The following MYO10 variants were observed in gnomAD, a reference collection of about 807,000 sequenced individuals.
The protein encoded by MYO10 is myosin X, also known as unconventional myosin-X.
A neutral mutation model predicts 257.3 loss-of-function variants in MYO10; 133 were observed. The observed-to-expected ratio is 0.52, with a 90% CI of 0.45 to 0.60. The LOEUF (loss-of-function observed/expected upper bound fraction) is 0.60. Among genes scored for constraint, MYO10 ranks in the 20% least tolerant of loss-of-function variants. The pLI is 0.00. For missense variants in MYO10, 2,399 were observed against 2,635.7 expected, an observed-to-expected ratio of 0.91 and a Z score of 1.97; for synonymous variants, 1,104 against 1,028.6, an observed-to-expected ratio of 1.07 and a Z score of -1.40.
chr5:16,725,944 C>T (rs997370977), intron 19 of MYO10, among the ~76,000 whole-genome samples: 21 of 151,946 alleles, frequency 1.4e-4, no homozygotes, highest in African/African-American at 4.4e-4. Context: ...CACGCTGCCA[C>T]GCCAGGCTAA....
chr5:16,862,074 C>A (rs567360997), intron 2 of MYO10, among the ~76,000 whole-genome samples: 1 of 152,300 alleles, frequency 6.6e-6, no homozygotes, highest in Non-Finnish European at 1.5e-5. Context: ...AGGCCCTCAT[C>A]CTCACCAACT....
chr5:16,697,257 G>A (rs192129280), intron 26 of MYO10, among the ~76,000 whole-genome samples: 104 of 151,932 alleles, frequency 6.8e-4, no homozygotes, highest in Admixed American at 1.3e-3. Flanking sequence ...AGAGGAGCAG[G>A]TGAAGCAAAA....
Position 16,792,234 on chromosome 5 carries a change from T to TAA in MYO10, c.467+2410_467+2411dup, listed in dbSNP as rs35991846. Among the ~76,000 whole-genome samples, 38 of 147,264 alleles carry TAA rather than the reference T, an allele frequency of 2.6e-4. 1 individual carries two copies. The highest frequency in any genetic ancestry group is 4.5e-4 in the African/African-American group (18 of 39,910). On this transcript the variant is annotated intron_variant, in intron 4 of 40. Coordinates refer to ENST00000513610, the MANE Select transcript of MYO10 (RefSeq NM_012334.3). ...CATATACATGTAATCCCCATTTGTT[T>TAA]AAAAAAAAAAGGAACTACAAAAAAG...
intron 2 of MYO10, among the ~76,000 whole-genome samples, chr5:16,853,418 T>C (rs1743870259): frequency 6.6e-6 from 1 of 152,164 alleles, no homozygotes; most frequent in African/African-American, 2.4e-5. Flanking sequence ...TCAGTTCTCT[T>C]CTTAAAAAGT....
At chr5:16,793,649 G>A (rs1741837811) in intron 4 of MYO10, among the ~76,000 whole-genome samples, 1 of 152,222 alleles carries the variant, frequency 6.6e-6, no homozygotes, top group African/African-American at 2.4e-5. Context: ...AAAAATACTC[G>A]CCGGGAGCGG....
intron 2 of MYO10, among the ~76,000 whole-genome samples, chr5:16,840,378 C>T (rs994365682): frequency 2.0e-5 from 3 of 151,890 alleles, no homozygotes; most frequent in Non-Finnish European, 4.4e-5. Flanking sequence ...TGCCACTGCA[C>T]TCCAGCCTGG....
chr5:16,901,292 G>A (rs1385389328), intron 1 of MYO10, among the ~76,000 whole-genome samples: 1 of 151,998 alleles, frequency 6.6e-6, no homozygotes. Context: ...CCCCTCCTCC[G>A]TCAGTCAGCT....
chr5:16,935,022 C>T (rs1746395322), intron 1 of MYO10, among the ~76,000 whole-genome samples: 2 of 152,118 alleles, frequency 1.3e-5, no homozygotes, highest in South Asian at 4.1e-4. Context: ...GGAAAGGGAG[C>T]CAAGAAACCA....
intron 19 of MYO10, among the ~76,000 whole-genome samples, chr5:16,722,018 A>G (rs1272611599): frequency 2.0e-5 from 3 of 152,146 alleles, no homozygotes; most frequent in Non-Finnish European, 4.4e-5. Flanking sequence ...AGATCATTCT[A>G]CTTGTTTCTT....
intron 2 of MYO10, among the ~76,000 whole-genome samples, chr5:16,866,902 G>A (rs1195043506): frequency 1.3e-5 from 2 of 152,102 alleles, no homozygotes; most frequent in East Asian, 3.9e-4. Context: ...GCTCTTCCCG[G>A]GAACCTGGAG....
At chr5:16,872,594 A>G (rs1744485479) in intron 2 of MYO10, among the ~76,000 whole-genome samples, 1 of 152,234 alleles carries the variant, frequency 6.6e-6, no homozygotes, top group Admixed American at 6.5e-5. Context: ...GGATTAAAAT[A>G]TAATTCAATA....
At chr5:16,746,145 C>A (rs1740187222) in intron 19 of MYO10, among the ~76,000 whole-genome samples, 1 of 152,206 alleles carries the variant, frequency 6.6e-6, no homozygotes, top group Non-Finnish European at 1.5e-5. Flanking sequence ...TTCATGCCTC[C>A]CCTTTTTAGA....
chr5:16,716,049 C>G, intron 19 of MYO10, among the ~76,000 whole-genome samples: 1 of 92,662 alleles, frequency 1.1e-5, no homozygotes, highest in East Asian at 3.4e-4. Flanking sequence ...GAGTGACACT[C>G]CGTCTCGAAA....
intron 1 of MYO10, among the ~76,000 whole-genome samples, chr5:16,931,397 G>T (rs1483379319): frequency 6.6e-6 from 1 of 152,122 alleles, no homozygotes; most frequent in Non-Finnish European, 1.5e-5. Context: ...AGCTGAACTG[G>T]AAAAGCAAAC....
At chr5:16,849,127 T>C (rs1743726693) in intron 2 of MYO10, among the ~76,000 whole-genome samples, 1 of 152,078 alleles carries the variant, frequency 6.6e-6, no homozygotes, top group Admixed American at 6.5e-5. Flanking sequence ...GGCAATTAAT[T>C]AGGTATTTTT....
chr5:16,858,435 C>T lies in MYO10; in HGVS notation c.120+19174G>A, dbSNP rs376599485. On this transcript the variant is annotated intron_variant, in intron 2 of 40. Coordinates refer to ENST00000513610, the MANE Select transcript of MYO10 (RefSeq NM_012334.3). ...CTGCTTTCAAAAAAGCTAGATGCTACTTTTGTAAAAAAAAAAAAAAAAATC... is the reference window on the plus strand; with the variant it reads ...CTGCTTTCAAAAAAGCTAGATGCTATTTTTGTAAAAAAAAAAAAAAAAATC... Among the ~76,000 whole-genome samples the T allele has an allele frequency of 2.3e-4, 25 of 110,984 alleles. No homozygotes were observed. In the East Asian group the frequency reaches 3.5e-3, roughly 15 times the overall value. The allele number at this position is 110,984 out of a possible 152,430, so 72.8% of individuals were successfully genotyped here. A position where few individuals can be genotyped will look rare whatever the true frequency, so the allele number is the denominator to read the frequency against.
chr5:16,685,230 G>C (rs1429729581), intron 29 of MYO10, among the ~76,000 whole-genome samples: 1 of 151,970 alleles, frequency 6.6e-6, no homozygotes, highest in African/African-American at 2.4e-5. Context: ...TTTGTTGTTT[G>C]TTTTTTTAGG....
At position 16,704,607 on chromosome 5, in the gene MYO10, G is replaced by A. The variant is rs200913263; in HGVS notation, c.2248C>T (p.Arg750Trp). 5.0e-6 allele frequency: 8 copies of A among 1,613,852 alleles called. No homozygotes were observed. The highest frequency in any genetic ancestry group is 1.1e-5 in the South Asian group (1 of 91,066). The change falls in exon 22 of 41, where the codon CGG becomes TGG. Residue 750 changes from arginine (R) to tryptophan (W), a missense_variant. By Grantham distance (101) the Arg-to-Trp change is moderately radical. Coordinates refer to ENST00000513610, the MANE Select transcript of MYO10 (RefSeq NM_012334.3). The part of the protein sequence containing the change: ...EEVSHAAMVI[R>W]AHVLGFLARK... ...GCTAAGAAGCCCAAGACATGGGCCC[G>A]AATCACCATGGCCGCGTGGCTCACT... is the stretch of plus-strand genomic sequence containing the variant.
rs187519558 is a variant in MYO10 at position 16,663,280 on chromosome 5, G to C, written c.*3412C>G. The C allele has an allele frequency of 5.1e-4, 73 of 143,066 alleles. No individual in the cohort carries two copies. Among genetic ancestry groups the C allele is most frequent in the African/African-American group, 1.9e-3 (70 of 37,608 alleles). The allele number at this position is 143,066 out of a possible 1,614,324, so 8.9% of individuals were successfully genotyped here. A position where few individuals can be genotyped will look rare whatever the true frequency, so the allele number is the denominator to read the frequency against. Reference sequence around the variant, plus strand: ...ATAGCTGTTTCTGGGAAAGGAAAATGGGTAATTAGGGCTACAGCTGGAAAA... The same window carrying C: ...ATAGCTGTTTCTGGGAAAGGAAAATCGGTAATTAGGGCTACAGCTGGAAAA... On this transcript the variant is annotated 3_prime_UTR_variant, in exon 41 of 41. Coordinates refer to ENST00000513610, the MANE Select transcript of MYO10 (RefSeq NM_012334.3).
Sources: allele counts gnomAD v4.1 joint callset (sites outside exome capture counted in the v4.1 genomes callset), GRCh38; gene constraint gnomAD v4.1.1; transcripts MANE v1.5; gene names NCBI Gene and HGNC (gene_info 2026-07-23, HGNC 2026-07-21).